The following CHRM3 variants were observed in gnomAD, a reference collection of about 807,000 sequenced individuals.
The protein encoded by CHRM3 is cholinergic receptor muscarinic 3, also known as muscarinic acetylcholine receptor M3.
Under a neutral mutation model 41.8 loss-of-function variants are expected in CHRM3, and 11 were observed. The ratio of observed to expected loss-of-function variants is 0.26; its 90% confidence interval spans 0.17 to 0.44. The LOEUF (loss-of-function observed/expected upper bound fraction) is 0.44. Ranked by LOEUF, CHRM3 falls within the 20% of genes least tolerant of loss-of-function variation. CHRM3 has a pLI of 1.00. For synonymous variants in CHRM3, 297 were observed against 301.4 expected, an observed-to-expected ratio of 0.99 and a Z score of 0.15; for missense variants, 571 against 745.4, an observed-to-expected ratio of 0.77 and a Z score of 2.72.
intron 1 of CHRM3, among the ~76,000 whole-genome samples, chr1:239,406,421 C>T (rs1197726888): frequency 1.3e-5 from 2 of 152,196 alleles, no homozygotes; most frequent in Admixed American, 1.3e-4. Flanking sequence ...CTCAGCCTGA[C>T]TCCTTCCCTT....
intron 6 of CHRM3, among the ~76,000 whole-genome samples, chr1:239,851,890 CA>C (rs1431673190): frequency 6.6e-6 from 1 of 152,136 alleles, no homozygotes; most frequent in Admixed American, 6.6e-5. Context: ...CTGGGCTTCT[CA>C]AAGCTGCCAG....
chr1:239,678,337 A>G (rs1208222705), intron 5 of CHRM3, 49 bp downstream of exon 5: 1 of 152,172 alleles, frequency 6.6e-6, no homozygotes, highest in Non-Finnish European at 1.5e-5. Flanking sequence ...AATCATAACT[A>G]TGGATGTATA....
chr1:239,760,670 G>A (rs1666684160), intron 5 of CHRM3, among the ~76,000 whole-genome samples: 2 of 152,032 alleles, frequency 1.3e-5, no homozygotes, highest in South Asian at 2.1e-4. Flanking sequence ...TTTCCTTTGA[G>A]TTCTTTAAAG....
intron 1 of CHRM3, among the ~76,000 whole-genome samples, chr1:239,476,458 C>T (rs1666476985): frequency 7.9e-6 from 1 of 126,846 alleles, no homozygotes; most frequent in South Asian, 2.7e-4. Context: ...GAGCAAGACT[C>T]CATCCAAAAA....
chr1:239,889,221 C>CG (rs1558212808), intron 6 of CHRM3, among the ~76,000 whole-genome samples: 1 of 152,072 alleles, frequency 6.6e-6, no homozygotes, highest in Admixed American at 6.5e-5. Context: ...ACATAGAGCA[C>CG]GGAAGATTGG....
Position 239,651,985 on chromosome 1 carries a change from G to T in CHRM3, c.-250+19699G>T, listed in dbSNP as rs1473599134. Among the ~76,000 whole-genome samples the T allele has an allele frequency of 2.0e-3, 277 of 140,232 alleles. 1 individual carries two copies. Among genetic ancestry groups the T allele is most frequent in the Middle Eastern group, 7.4e-3 (2 of 270 alleles). The allele number at this position is 140,232 out of a possible 152,430, so 92.0% of individuals were successfully genotyped here. A position where few individuals can be genotyped will look rare whatever the true frequency, so the allele number is the denominator to read the frequency against. On this transcript the variant is annotated intron_variant, in intron 4 of 6. Transcript: ENST00000676153. ...AAATGTCTGTATTTCGCCAGTTTTT[G>T]TTTTTTTTTTTTTTTTTGATGCAGC... is the stretch of plus-strand genomic sequence containing the variant.
At chr1:239,548,578 G>A (rs1380765788) in intron 3 of CHRM3, among the ~76,000 whole-genome samples, 2 of 152,150 alleles carry the variant, frequency 1.3e-5, no homozygotes, top group African/African-American at 4.8e-5. Flanking sequence ...TTTTTCCCCT[G>A]ATGAGGACAG....
chr1:239,677,388 C>T (rs1658118252), intron 4 of CHRM3, among the ~76,000 whole-genome samples: 1 of 152,152 alleles, frequency 6.6e-6, no homozygotes, highest in Non-Finnish European at 1.5e-5. Context: ...AAATTATTTG[C>T]CATAAAACAT....
chr1:239,490,112 G>A (rs1667462322), intron 1 of CHRM3, among the ~76,000 whole-genome samples: 1 of 152,176 alleles, frequency 6.6e-6, no homozygotes, highest in Non-Finnish European at 1.5e-5. Context: ...ATACTATTTA[G>A]TACGAGTACA....
intron 3 of CHRM3, among the ~76,000 whole-genome samples, chr1:239,601,465 A>G (rs1665526026): frequency 6.6e-6 from 1 of 152,148 alleles, no homozygotes; most frequent in Non-Finnish European, 1.5e-5. Flanking sequence ...AATAAATGGG[A>G]ATGAGGTTAG....
chr1:239,584,962 C>T (rs943473685), intron 3 of CHRM3, among the ~76,000 whole-genome samples: 2 of 151,848 alleles, frequency 1.3e-5, no homozygotes, highest in Non-Finnish European at 2.9e-5. Context: ...ATTTTGTAAG[C>T]TTCTAAACTA....
chr1:239,720,493 C>G (rs950296329), intron 5 of CHRM3, among the ~76,000 whole-genome samples: 1 of 151,882 alleles, frequency 6.6e-6, no homozygotes, highest in African/African-American at 2.4e-5. Flanking sequence ...TGCTCTCGTG[C>G]CACTCAACGC....
chr1:239,685,510 G>A lies in CHRM3; in HGVS notation c.-147+7222G>A, dbSNP rs2149117405. On this transcript the variant is annotated intron_variant, in intron 5 of 6. Transcript: ENST00000676153. ...GAAGTTCCTGCTCCTCTCGTGCATT[G>A]GGTTGTGGTACCTCTCAAAACTGTG... Among the ~76,000 whole-genome samples the A allele has an allele frequency of 1.3e-5, 2 of 152,136 alleles. 1 individual carries two copies. The highest frequency in any genetic ancestry group is 6.8e-3 in the Middle Eastern group (2 of 294).
chr1:239,486,260 T>G (rs980068742), intron 1 of CHRM3, among the ~76,000 whole-genome samples: 11 of 152,202 alleles, frequency 7.2e-5, no homozygotes, highest in Admixed American at 7.2e-4. Flanking sequence ...CTAAACTGTT[T>G]AGCCTAGTGT....
intron 1 of CHRM3, among the ~76,000 whole-genome samples, chr1:239,488,952 G>A (rs1012225197): frequency 1.3e-5 from 2 of 152,066 alleles, no homozygotes; most frequent in African/African-American, 4.8e-5. Context: ...TTAGGAGAAC[G>A]TTTGGGAAGG....
At chr1:239,780,957 A>AT (rs1558116763) in intron 5 of CHRM3, among the ~76,000 whole-genome samples, 3 of 151,890 alleles carry the variant, frequency 2.0e-5, no homozygotes, top group Non-Finnish European at 4.4e-5. Flanking sequence ...TGGGCTCTCT[A>AT]TTTTGTTTTA....
intron 4 of CHRM3, among the ~76,000 whole-genome samples, chr1:239,664,201 T>C (rs555773467): frequency 3.3e-4 from 51 of 152,334 alleles, no homozygotes; most frequent in African/African-American, 1.1e-3. Flanking sequence ...CATAGTCCTT[T>C]TGAGCATAAA....
intron 3 of CHRM3, among the ~76,000 whole-genome samples, chr1:239,561,188 G>T (rs552348117): frequency 6.6e-6 from 1 of 152,250 alleles, no homozygotes; most frequent in South Asian, 2.1e-4. Flanking sequence ...GTCATGATGT[G>T]ATTGTCCAAG....
chr1:239,496,568 G>T (rs1667903192), intron 2 of CHRM3, among the ~76,000 whole-genome samples: 1 of 150,544 alleles, frequency 6.6e-6, no homozygotes, highest in Non-Finnish European at 1.5e-5. Flanking sequence ...TTATACGGTT[G>T]TATCTCCAAT....
Sources: gnomAD v4.1 joint callset for allele counts (sites outside exome capture counted in the v4.1 genomes callset) on GRCh38, gnomAD v4.1.1 for gene constraint, MANE v1.5 for transcripts, NCBI Gene and HGNC (gene_info 2026-07-23, HGNC 2026-07-21) for gene names.